Variants in TFAP2D observed in about 807,000 individuals in gnomAD.
The protein encoded by TFAP2D is transcription factor AP-2-delta.
Under a neutral mutation model 43.6 loss-of-function variants are expected in TFAP2D, and 9 were observed. The observed-to-expected ratio is 0.21, with a 90% CI of 0.12 to 0.36. The LOEUF is 0.36. Ranked by LOEUF, TFAP2D falls within the 10% of genes least tolerant of loss-of-function variation. The probability of loss-of-function intolerance (pLI) is 1.00; values close to 1 mark genes in which losing one functional copy is unlikely to be tolerated. For missense variants in TFAP2D, 513 were observed against 561.4 expected (o/e 0.91, Z 0.87); for synonymous variants, 256 against 224.9 (o/e 1.14, Z -1.24).
chr6:50,753,538 T>C (rs1193809924), intron 7 of TFAP2D, among the ~76,000 whole-genome samples: 1 of 151,784 alleles, frequency 6.6e-6, no homozygotes, highest in African/African-American at 2.4e-5. Context: ...ATACAGAATA[T>C]GGGAACAAGC....
At chr6:50,745,375 A>G in intron 6 of TFAP2D, 127 bp downstream of exon 6, 2 of 1,321,532 alleles carry the variant, frequency 1.5e-6, no homozygotes, top group Non-Finnish European at 2.1e-6. Context: ...ACACACAAGC[A>G]GCTAGATATA....
At chr6:50,760,899 G>T (rs1050202062) in intron 7 of TFAP2D, among the ~76,000 whole-genome samples, 11 of 151,086 alleles carry the variant, frequency 7.3e-5, no homozygotes, top group African/African-American at 2.2e-4. Context: ...TTGAGGGTCT[G>T]TTCCCCAGAC....
chr6:50,759,540 G>A (rs1769334126), intron 7 of TFAP2D, among the ~76,000 whole-genome samples: 2 of 151,788 alleles, frequency 1.3e-5, no homozygotes, highest in African/African-American at 4.8e-5. Flanking sequence ...TCAACAGTTC[G>A]ATAAAATTCA....
intron 7 of TFAP2D, among the ~76,000 whole-genome samples, chr6:50,760,755 C>T (rs1581777614): frequency 6.6e-6 from 1 of 151,916 alleles, no homozygotes; most frequent in South Asian, 2.1e-4. Context: ...CAGTTACATG[C>T]CCCATGGTAA....
intron 5 of TFAP2D, among the ~76,000 whole-genome samples, chr6:50,740,467 T>C (rs1478559015): frequency 6.6e-6 from 1 of 152,188 alleles, no homozygotes; most frequent in East Asian, 1.9e-4. Flanking sequence ...GTAGTCTCAC[T>C]TTGTCGCCCA....
intron 3 of TFAP2D, among the ~76,000 whole-genome samples, chr6:50,727,104 C>T (rs1407658686): frequency 6.6e-6 from 1 of 152,148 alleles, no homozygotes; most frequent in Admixed American, 6.5e-5. Flanking sequence ...GTTGGCTACC[C>T]TGACATTCCC....
At position 50,737,657 on chromosome 6, in the gene TFAP2D, T is replaced by A. The variant is rs569325569; in HGVS notation, c.884-7450T>A. On this transcript the variant is annotated intron_variant, in intron 5 of 7. Transcript: ENST00000008391. ...TCTTTTATTCATTTTTAAAACAAAT[T>A]ATAGCATTCTGTAGATACTATTTTG... is the stretch of plus-strand genomic sequence containing the variant. Among the ~76,000 whole-genome samples the A allele has an allele frequency of 8.5e-5, 13 of 152,320 alleles. No individual in the cohort carries two copies. In the South Asian group the frequency reaches 2.7e-3, roughly 32 times the overall value.
intron 5 of TFAP2D, among the ~76,000 whole-genome samples, chr6:50,744,156 A>G (rs1769092418): frequency 6.6e-6 from 1 of 152,160 alleles, no homozygotes; most frequent in South Asian, 2.1e-4. Flanking sequence ...GGTAATAAGC[A>G]TACTACACAA....
intron 6 of TFAP2D, among the ~76,000 whole-genome samples, chr6:50,750,061 A>G (rs1041142805): frequency 1.3e-4 from 20 of 151,928 alleles, no homozygotes; most frequent in Admixed American, 1.2e-3. Flanking sequence ...AATTCAATAA[A>G]TTTTAGATAC....
intron 5 of TFAP2D, among the ~76,000 whole-genome samples, chr6:50,734,008 G>A (rs942365643): frequency 1.3e-5 from 2 of 151,802 alleles, no homozygotes; most frequent in Non-Finnish European, 2.9e-5. Context: ...GTGTGTGTGT[G>A]TGTGTGTGTG....
chr6:50,718,148 A>G (rs563099921), intron 2 of TFAP2D: 1 of 152,090 alleles, frequency 6.6e-6, no homozygotes, highest in South Asian at 2.1e-4. Flanking sequence ...TGATTTGATA[A>G]TCACTTTAAG....
chr6:50,765,584 A>G (rs1433218144), intron 7 of TFAP2D, among the ~76,000 whole-genome samples: 1 of 152,130 alleles, frequency 6.6e-6, no homozygotes, highest in South Asian at 2.1e-4. Flanking sequence ...ATCTCATTGT[A>G]GTTTTAATTT....
intron 5 of TFAP2D, among the ~76,000 whole-genome samples, chr6:50,743,786 T>C (rs1189274732): frequency 6.6e-6 from 1 of 152,168 alleles, no homozygotes; most frequent in African/African-American, 2.4e-5. Flanking sequence ...TAATATAATA[T>C]CTTGTATTAT....
In TFAP2D at chr6:50,772,831, C is replaced by T. The variant is rs771724118; in HGVS notation, c.1326C>T (p.Ala442=). The change falls in exon 8 of 8, where the codon GCC becomes GCT. Residue 442 remains alanine (A), a synonymous_variant. Transcript: ENST00000008391. The stretch of plus-strand genomic sequence containing the variant: ...CCCTGCGGAAAACTTCAGAGGCTGC[C>T]GTGAAAGAGGGCAAAACAGAAAAGA... ...KAPLRKTSEA[A]VKEGKTEKTD 1.6e-5 allele frequency: 26 copies of T among 1,613,624 alleles called. No homozygotes were observed. The highest frequency in any genetic ancestry group is 6.7e-5 in the Admixed American group (4 of 59,940).
intron 5 of TFAP2D, among the ~76,000 whole-genome samples, chr6:50,737,989 C>T (rs1397587146): frequency 6.6e-6 from 1 of 152,072 alleles, no homozygotes; most frequent in Non-Finnish European, 1.5e-5. Context: ...TGATTATTGG[C>T]AGATTCTCCT....
intron 7 of TFAP2D, among the ~76,000 whole-genome samples, chr6:50,755,177 A>C (rs1394714524): frequency 6.6e-6 from 1 of 151,982 alleles, no homozygotes; most frequent in Non-Finnish European, 1.5e-5. Flanking sequence ...TGCATGTCTT[A>C]AATTTTATCA....
At chr6:50,718,943 G>T (rs1263976420) in intron 2 of TFAP2D, 147 bp from the exon 3 acceptor site, 1 of 719,152 alleles carries the variant, frequency 1.4e-6, no homozygotes, top group Non-Finnish European at 2.2e-6. Context: ...AATTGTGTTT[G>T]CTGGCAAGCT....
intron 5 of TFAP2D, among the ~76,000 whole-genome samples, chr6:50,733,032 CA>C (rs1768914975): frequency 6.6e-6 from 1 of 151,922 alleles, no homozygotes; most frequent in Non-Finnish European, 1.5e-5. Context: ...CAATAATTCA[CA>C]ACTTTTCTGT....
At chr6:50,753,189 C>A (rs1198939163) in intron 7 of TFAP2D, among the ~76,000 whole-genome samples, 1 of 151,850 alleles carries the variant, frequency 6.6e-6, no homozygotes. Context: ...TGTTAAATGA[C>A]AATTTTACTC....
Sources: gnomAD v4.1 joint callset for allele counts (sites outside exome capture counted in the v4.1 genomes callset) on GRCh38, gnomAD v4.1.1 for gene constraint, MANE v1.5 for transcripts, NCBI Gene and HGNC (gene_info 2026-07-23, HGNC 2026-07-21) for gene names.